The following ADAM22 variants were observed in gnomAD, a reference collection of about 807,000 sequenced individuals.
The protein encoded by ADAM22 is disintegrin and metalloproteinase domain-containing protein 22.
Under a neutral mutation model 144.6 loss-of-function variants are expected in ADAM22, and 65 were observed. The ratio of observed to expected loss-of-function variants is 0.45; its 90% confidence interval spans 0.37 to 0.55. ADAM22 has a LOEUF of 0.55. ADAM22 is among the 20% of genes least tolerant of loss of function. The pLI, the probability that ADAM22 is intolerant of heterozygous loss-of-function variation, is 0.00. For synonymous variants in ADAM22, 391 were observed against 412.6 expected (o/e 0.95, Z 0.63); for missense variants, 974 against 1,184.9 (o/e 0.82, Z 2.61).
chr7:88,173,953 G>C (rs2129535425), intron 26 of ADAM22, among the ~76,000 whole-genome samples: 1 of 152,256 alleles, frequency 6.6e-6, no homozygotes, highest in Non-Finnish European at 1.5e-5. Flanking sequence ...ACATGAGTGA[G>C]GCTCACACAT....
chr7:88,025,341 G>T lies in ADAM22; in HGVS notation c.323+46929G>T, dbSNP rs187757980. ...CTGTGCATTACCTCTTCACTTTGTT[G>T]ATTGTTTTCTTTGCTGTGCAGAAGC... On this transcript the variant is annotated intron_variant, in intron 3 of 31. Transcript: ENST00000413139. 2.0e-5 allele frequency among the ~76,000 whole-genome samples: 3 copies of T among 152,252 alleles called. No individual in the cohort carries two copies. In the East Asian group the frequency reaches 5.8e-4, roughly 29 times the overall value.
chr7:87,978,698 A>T (rs567083498), intron 3 of ADAM22, among the ~76,000 whole-genome samples: 21 of 152,326 alleles, frequency 1.4e-4, no homozygotes, highest in African/African-American at 4.6e-4. Flanking sequence ...TTTCCTATGA[A>T]TGACAGTAAA....
chr7:88,013,613 T>C (rs771874102), intron 3 of ADAM22, among the ~76,000 whole-genome samples: 1 of 152,050 alleles, frequency 6.6e-6, no homozygotes, highest in Non-Finnish European at 1.5e-5. Context: ...TTATTTTATG[T>C]AGTCAGGGTC....
intron 2 of ADAM22, among the ~76,000 whole-genome samples, chr7:87,966,673 T>G (rs951269692): frequency 1.4e-5 from 2 of 146,394 alleles, no homozygotes; most frequent in Non-Finnish European, 3.0e-5. Flanking sequence ...TGTAGCAAGG[T>G]AAATTCGGGG....
At chr7:88,182,594 T>A (rs1049158240) in intron 29 of ADAM22, among the ~76,000 whole-genome samples, 3 of 152,332 alleles carry the variant, frequency 2.0e-5, no homozygotes, top group Admixed American at 1.3e-4. Context: ...TCATTGTCAC[T>A]AAATGCAACA....
chr7:88,196,685 A>G lies in ADAM22; in HGVS notation c.*194A>G. On this transcript the variant is annotated 3_prime_UTR_variant, in exon 32 of 32. Coordinates refer to ENST00000413139, the MANE Select transcript of ADAM22 (RefSeq NM_001324418.2). ...TTTGTCATTGGCTTAGGATTTAACT[A>G]ACCATGAAAAGAACTACTGAAATAT... The G allele has an allele frequency of 1.7e-6, 1 of 605,972 alleles. No individual in the cohort carries two copies. The highest frequency in any genetic ancestry group is 2.9e-6 in the Non-Finnish European group (1 of 341,570). The allele number at this position is 605,972 out of a possible 1,614,324, so 37.5% of individuals were successfully genotyped here. A position where few individuals can be genotyped will look rare whatever the true frequency, so the allele number is the denominator to read the frequency against.
intron 23 of ADAM22, among the ~76,000 whole-genome samples, chr7:88,165,297 G>A (rs1413224405): frequency 1.3e-5 from 2 of 152,004 alleles, no homozygotes; most frequent in African/African-American, 2.4e-5. Flanking sequence ...CCCTGACCCT[G>A]ACATAGCTAG....
intron 17 of ADAM22, among the ~76,000 whole-genome samples, chr7:88,146,371 A>G (rs965363735): frequency 1.3e-5 from 2 of 152,274 alleles, no homozygotes; most frequent in Non-Finnish European, 2.9e-5. Context: ...AAACTATCAT[A>G]GTAAGTATCT....
At chr7:88,094,900 G>C (rs1820849393) in intron 4 of ADAM22, among the ~76,000 whole-genome samples, 1 of 152,144 alleles carries the variant, frequency 6.6e-6, no homozygotes, top group South Asian at 2.1e-4. Context: ...TATTGTGAGG[G>C]CTAGAAGGAC....
chr7:88,166,211 C>T (rs971120525), intron 24 of ADAM22, among the ~76,000 whole-genome samples: 5 of 152,090 alleles, frequency 3.3e-5, no homozygotes, highest in Non-Finnish European at 7.4e-5. Context: ...TCAATTAACC[C>T]TAACATTTCT....
intron 18 of ADAM22, 99 bp downstream of exon 18, chr7:88,149,156 G>T (rs374842739): frequency 2.5e-6 from 2 of 800,820 alleles, no homozygotes; most frequent in East Asian, 5.7e-5. Context: ...CAAGATGCTC[G>T]TGTCTCTTTC....
At chr7:88,048,498 C>T (rs1805301474) in intron 3 of ADAM22, among the ~76,000 whole-genome samples, 1 of 152,016 alleles carries the variant, frequency 6.6e-6, no homozygotes, top group Non-Finnish European at 1.5e-5. Flanking sequence ...TTTTATTAAT[C>T]TTTTAAAATA....
At chr7:87,940,930 ACTC>A (rs1459736310) in intron 2 of ADAM22, among the ~76,000 whole-genome samples, 1 of 152,178 alleles carries the variant, frequency 6.6e-6, no homozygotes, top group Non-Finnish European at 1.5e-5. Flanking sequence ...GTTTGATACT[ACTC>A]ATTGTTTGAT....
Position 88,009,306 on chromosome 7 carries a change from C to T in ADAM22, c.323+30894C>T, listed in dbSNP as rs576846338. Among the ~76,000 whole-genome samples the T allele has an allele frequency of 3.6e-4, 55 of 152,230 alleles. No homozygotes were observed. The South Asian group carries it at 9.1e-3, about 25-fold the overall frequency. On this transcript the variant is annotated intron_variant, in intron 3 of 31. Transcript: ENST00000413139. ...AGAAATTTAAATTTTCTGGTATGCTCGTATGATTAACTTCTCTTCATAATT... is the reference window on the plus strand; with the variant it reads ...AGAAATTTAAATTTTCTGGTATGCTTGTATGATTAACTTCTCTTCATAATT...
At chr7:88,118,931 C>A (rs1759647398) in intron 7 of ADAM22, among the ~76,000 whole-genome samples, 1 of 152,056 alleles carries the variant, frequency 6.6e-6, no homozygotes, top group Non-Finnish European at 1.5e-5. Flanking sequence ...GTCAAAACTG[C>A]AATTTCTGTG....
At chr7:88,032,183 A>C (rs1298835901) in intron 3 of ADAM22, among the ~76,000 whole-genome samples, 1 of 152,180 alleles carries the variant, frequency 6.6e-6, no homozygotes, top group Non-Finnish European at 1.5e-5. Flanking sequence ...ATCCACTGAC[A>C]ACTTGCACCA....
At chr7:88,052,215 C>T (rs375115770) in intron 3 of ADAM22, among the ~76,000 whole-genome samples, 7 of 151,708 alleles carry the variant, frequency 4.6e-5, no homozygotes, top group Admixed American at 1.3e-4. Context: ...AAAAAATTCC[C>T]GGCCGGACGC....
intron 4 of ADAM22, among the ~76,000 whole-genome samples, chr7:88,098,889 A>G (rs1822166485): frequency 6.6e-6 from 1 of 152,054 alleles, no homozygotes; most frequent in African/African-American, 2.4e-5. Flanking sequence ...TTTTTGATTG[A>G]TACTACAAGA....
rs1585958738 is a variant in ADAM22, at chr7:88,125,489, A to T, written c.608-100A>T. On this transcript the variant is annotated intron_variant, in intron 7 of 31. Coordinates refer to ENST00000413139, the MANE Select transcript of ADAM22 (RefSeq NM_001324418.2). Reference sequence around the variant, plus strand: ...GTGATCGTTAAGTGCAACATTATGTATTATAAAATTCATAAGAAGGAAGGG... The same window carrying T: ...GTGATCGTTAAGTGCAACATTATGTTTTATAAAATTCATAAGAAGGAAGGG... The T allele has an allele frequency of 5.6e-6, 4 of 710,916 alleles. No homozygotes were observed. In the East Asian group the frequency reaches 1.2e-4, roughly 21 times the overall value. The allele number at this position is 710,916 out of a possible 1,614,324, so 44.0% of individuals were successfully genotyped here.
Sources: gnomAD v4.1 joint callset for allele counts (sites outside exome capture counted in the v4.1 genomes callset) on GRCh38, gnomAD v4.1.1 for gene constraint, MANE v1.5 for transcripts, NCBI Gene and HGNC (gene_info 2026-07-23, HGNC 2026-07-21) for gene names.